Variants in ATF6 observed in about 807,000 individuals in gnomAD.
ATF6 encodes the protein cyclic AMP-dependent transcription factor ATF-6 alpha.
In ATF6, 53 loss-of-function variants were observed where a neutral mutation model predicts 83.6. The ratio of observed to expected loss-of-function variants is 0.63; its 90% CI spans 0.51 to 0.80. ATF6 has a LOEUF of 0.80. ATF6 is among the 30% of genes least tolerant of loss of function. The probability of loss-of-function intolerance (pLI) is 0.00; values close to 1 mark genes in which losing one functional copy is unlikely to be tolerated. For missense variants in ATF6, 744 were observed against 797.9 expected (o/e 0.93, Z 0.81); for synonymous variants, 288 against 285.8 (o/e 1.01, Z -0.08).
At chr1:161,794,448 C>T (rs947455868) in intron 6 of ATF6, among the ~76,000 whole-genome samples, 1 of 151,976 alleles carries the variant, frequency 6.6e-6, no homozygotes, top group African/African-American at 2.4e-5. Context: ...CAATTTGGCT[C>T]TAGTTTAGTT....
intron 14 of ATF6, among the ~76,000 whole-genome samples, chr1:161,901,871 A>G (rs1457901839): frequency 1.3e-5 from 2 of 152,202 alleles, no homozygotes; most frequent in Non-Finnish European, 2.9e-5. Flanking sequence ...ACTTGTACCC[A>G]TGCATGATTT....
chr1:161,945,774 T>C (rs184642274), intron 15 of ATF6, among the ~76,000 whole-genome samples: 8 of 152,352 alleles, frequency 5.3e-5, no homozygotes, highest in Non-Finnish European at 1.0e-4. Context: ...TGCTTAAAGA[T>C]AGAAGCTATG....
chr1:161,919,264 C>T (rs1417650970), intron 15 of ATF6, among the ~76,000 whole-genome samples: 1 of 152,096 alleles, frequency 6.6e-6, no homozygotes, highest in African/African-American at 2.4e-5. Flanking sequence ...GCTAGGTATG[C>T]TTTGAAAAGG....
intron 14 of ATF6, among the ~76,000 whole-genome samples, chr1:161,893,065 A>C (rs536126035): frequency 1.6e-4 from 24 of 152,324 alleles, no homozygotes; most frequent in African/African-American, 5.3e-4. Flanking sequence ...TCCAGATTTC[A>C]TTTGCAGGTA....
chr1:161,875,185 A>G (rs1171577788), intron 14 of ATF6, among the ~76,000 whole-genome samples: 4 of 151,816 alleles, frequency 2.6e-5, no homozygotes, highest in Admixed American at 2.6e-4. Context: ...CAGAGATGTA[A>G]TTGGAAAGGA....
rs1463485286 is a variant in ATF6 at position 161,959,472 on chromosome 1, C to T, written c.*818C>T. 3.9e-5 allele frequency: 6 copies of T among 152,008 alleles called. No individual in the cohort carries two copies. The highest frequency in any genetic ancestry group is 1.4e-4 in the African/African-American group (6 of 41,382). The allele number at this position is 152,008 out of a possible 1,614,324, so 9.4% of individuals were successfully genotyped here. On this transcript the variant is annotated 3_prime_UTR_variant, in exon 16 of 16. Coordinates refer to ENST00000367942, the MANE Select transcript of ATF6 (RefSeq NM_007348.4). ...GATCACGAGGTCAGGAGATCAAGAC[C>T]ATCCCGGCTAAAACGGTGAAACCCC...
chr1:161,851,445 T>C (rs3817084), intron 10 of ATF6, among the ~76,000 whole-genome samples: 21,611 of 152,196 alleles, frequency 0.14, 2,098 homozygotes, highest in East Asian at 0.32. Flanking sequence ...TCATTGAAGA[T>C]ATGATGAACC....
At chr1:161,867,021 G>A (rs1048059614) in intron 14 of ATF6, among the ~76,000 whole-genome samples, 15 of 152,122 alleles carry the variant, frequency 9.9e-5, no homozygotes, top group African/African-American at 3.1e-4. Flanking sequence ...GTGGCCAGGC[G>A]CGGTGACTCA....
intron 14 of ATF6, among the ~76,000 whole-genome samples, chr1:161,896,022 G>C (rs1687669073): frequency 6.6e-6 from 1 of 152,208 alleles, no homozygotes; most frequent in African/African-American, 2.4e-5. Context: ...CTCTGCATTA[G>C]AAAACTATAC....
chr1:161,865,826 T>G (rs995495945), intron 14 of ATF6, among the ~76,000 whole-genome samples: 1 of 152,204 alleles, frequency 6.6e-6, no homozygotes, highest in Non-Finnish European at 1.5e-5. Context: ...TTGTTTTGTT[T>G]CAATAGTAGG....
chr1:161,793,089 G>A lies in ATF6; in HGVS notation c.688+762G>A, dbSNP rs1261194814. Among the ~76,000 whole-genome samples the A allele has an allele frequency of 2.0e-5, 3 of 152,180 alleles. No homozygotes were observed. The South Asian group carries it at 6.2e-4, about 32-fold the overall frequency. On this transcript the variant is annotated intron_variant, in intron 6 of 15. Transcript: ENST00000367942. ...CCAGATATGACTAGGCGATAATGGG[G>A]TATGGGTTGTAAATAAACACCAATG...
At chr1:161,767,068 G>A (rs2101707183) in intron 1 of ATF6, among the ~76,000 whole-genome samples, 1 of 152,272 alleles carries the variant, frequency 6.6e-6, no homozygotes, top group African/African-American at 2.4e-5. Context: ...TGGTCAGGAA[G>A]GGTGGAATGG....
At chr1:161,918,368 A>G (rs1043723089) in intron 15 of ATF6, among the ~76,000 whole-genome samples, 1 of 152,168 alleles carries the variant, frequency 6.6e-6, no homozygotes, top group Non-Finnish European at 1.5e-5. Context: ...TGAGATTTGG[A>G]CTTCAGAGTG....
intron 7 of ATF6, among the ~76,000 whole-genome samples, chr1:161,805,340 A>G (rs1041266209): frequency 3.9e-5 from 6 of 152,212 alleles, no homozygotes; most frequent in South Asian, 2.1e-4. Context: ...TGACAGGATT[A>G]TAAAGAAAGA....
At chr1:161,849,036 C>G (rs1386747798) in intron 10 of ATF6, among the ~76,000 whole-genome samples, 2 of 151,578 alleles carry the variant, frequency 1.3e-5, no homozygotes, top group African/African-American at 4.9e-5. Flanking sequence ...AATATATTTT[C>G]AAAAGCAGTT....
At position 161,826,289 on chromosome 1, in the gene ATF6, A is replaced by C. The variant is rs74125021; in HGVS notation, c.1187+5128A>C. ...GAAAGAAAAGACTGGAACAAAAAAAATTTTTTGAGTGCCCCCACCCACCAG... is the reference window on the plus strand; with the variant it reads ...GAAAGAAAAGACTGGAACAAAAAAACTTTTTTGAGTGCCCCCACCCACCAG... On this transcript the variant is annotated intron_variant, in intron 9 of 15. Transcript: ENST00000367942. Among the ~76,000 whole-genome samples, 560 of 152,270 alleles carry C rather than the reference A, an allele frequency of 3.7e-3. 8 individuals are homozygous for C. Among genetic ancestry groups the C allele is most frequent in the African/African-American group, 0.013 (531 of 41,540 alleles).
chr1:161,766,325 T>C lies in ATF6; in HGVS notation c.-36T>C, dbSNP rs768150981. 3.8e-6 allele frequency: 6 copies of C among 1,598,468 alleles called. No individual in the cohort carries two copies. In the East Asian group the frequency reaches 1.3e-4, roughly 36 times the overall value. ...CCGCCTGCCGCCGCCGTCCCAGATA[T>C]TAATCACGGAGTTCCAGGGAGAAGG... On this transcript the variant is annotated 5_prime_UTR_variant, in exon 1 of 16. Transcript: ENST00000367942.
intron 15 of ATF6, among the ~76,000 whole-genome samples, chr1:161,953,964 G>A (rs1443720559): frequency 6.6e-6 from 1 of 152,118 alleles, no homozygotes; most frequent in Non-Finnish European, 1.5e-5. Flanking sequence ...GAGTTCCCAT[G>A]GAAGGTTTAT....
At chr1:161,890,798 C>T (rs1437996310) in intron 14 of ATF6, 2 of 152,752 alleles carry the variant, frequency 1.3e-5, no homozygotes, top group African/African-American at 4.8e-5. Flanking sequence ...TTTCCAGCCA[C>T]GTGGGCTTCT....
Sources: allele counts gnomAD v4.1 joint callset (sites outside exome capture counted in the v4.1 genomes callset), GRCh38; gene constraint gnomAD v4.1.1; transcripts MANE v1.5; gene names NCBI Gene and HGNC (gene_info 2026-07-23, HGNC 2026-07-21).